Variants in PRRX1 observed in about 807,000 individuals in gnomAD.
PRRX1 encodes paired mesoderm homeobox protein 1.
A neutral mutation model predicts 24.0 loss-of-function variants in PRRX1; 8 were observed. That is an observed-to-expected ratio of 0.33 (90% CI 0.20 to 0.60). PRRX1 has a LOEUF of 0.60. Ranked by LOEUF, PRRX1 falls within the 20% of genes least tolerant of loss-of-function variation. PRRX1 has a pLI of 0.82. For synonymous variants in PRRX1, 160 were observed against 131.7 expected, an observed-to-expected ratio of 1.22 and a Z score of -1.47; for missense variants, 281 against 322.4, an observed-to-expected ratio of 0.87 and a Z score of 0.98.
At chr1:170,701,209 A>G (rs1654348573) in intron 1 of PRRX1, among the ~76,000 whole-genome samples, 1 of 152,178 alleles carries the variant, frequency 6.6e-6, no homozygotes, top group South Asian at 2.1e-4. Context: ...TTTGCATCAC[A>G]GCTTTACAAT....
intron 2 of PRRX1, among the ~76,000 whole-genome samples, chr1:170,720,992 C>G (rs1655063233): frequency 6.6e-6 from 1 of 152,156 alleles, no homozygotes; most frequent in Non-Finnish European, 1.5e-5. Context: ...TAGTGTTCTT[C>G]ATTTTGCAGA....
chr1:170,669,462 G>T, intron 1 of PRRX1: 1 of 36,694 alleles, frequency 2.7e-5, no homozygotes, highest in African/African-American at 1.5e-4. Flanking sequence ...AAATTCAGAA[G>T]CAGTGATGCG....
intron 2 of PRRX1, among the ~76,000 whole-genome samples, chr1:170,720,734 T>G (rs1655055582): frequency 6.6e-6 from 1 of 152,200 alleles, no homozygotes; most frequent in South Asian, 2.1e-4. Flanking sequence ...GATGATTTTA[T>G]TTTCCTTCAG....
chr1:170,696,667 C>A (rs558624619), intron 1 of PRRX1, among the ~76,000 whole-genome samples: 1 of 152,262 alleles, frequency 6.6e-6, no homozygotes, highest in South Asian at 2.1e-4. Flanking sequence ...TGGGGGCTTA[C>A]ACTAAGAGTC....
At chr1:170,668,921 C>A (rs1653043262) in intron 1 of PRRX1, 1 of 152,030 alleles carries the variant, frequency 6.6e-6, no homozygotes, top group Non-Finnish European at 1.5e-5. Flanking sequence ...AGGTGAAATA[C>A]AGGATTAAGT....
intron 2 of PRRX1, 94 bp downstream of exon 2, chr1:170,719,995 C>G: frequency 6.7e-7 from 1 of 1,494,480 alleles, no homozygotes; most frequent in African/African-American, 1.4e-5. Context: ...TAGCCCAGCA[C>G]AGTGGCTCAT....
intron 1 of PRRX1, among the ~76,000 whole-genome samples, chr1:170,696,837 AATT>A (rs1166991514): frequency 6.6e-6 from 1 of 152,186 alleles, no homozygotes; most frequent in African/African-American, 2.4e-5. Context: ...TGAAAGCTTT[AATT>A]TAGCTCGGCT....
intron 1 of PRRX1, among the ~76,000 whole-genome samples, chr1:170,695,286 C>T (rs554015848): frequency 3.3e-4 from 50 of 152,208 alleles, no homozygotes; most frequent in African/African-American, 1.1e-3. Context: ...GAAACTGAGC[C>T]CCTACATAAT....
At chr1:170,679,613 A>C (rs923333105) in intron 1 of PRRX1, among the ~76,000 whole-genome samples, 1 of 152,060 alleles carries the variant, frequency 6.6e-6, no homozygotes, top group East Asian at 1.9e-4. Context: ...GTTAGCCAGG[A>C]TGGTCTCGAT....
intron 1 of PRRX1, among the ~76,000 whole-genome samples, chr1:170,702,564 G>A (rs1010080581): frequency 1.3e-5 from 2 of 152,138 alleles, no homozygotes; most frequent in African/African-American, 4.8e-5. Context: ...AGTAAAAAGA[G>A]AACTATTCAA....
At chr1:170,733,509 T>C (rs1655506027) in intron 3 of PRRX1, among the ~76,000 whole-genome samples, 1 of 152,158 alleles carries the variant, frequency 6.6e-6, no homozygotes, top group Non-Finnish European at 1.5e-5. Context: ...AGAAAATTTT[T>C]CTTTATACTC....
Position 170,738,885 on chromosome 1 carries a change from T to C in PRRX1, c.*2699T>C, listed in dbSNP as rs1188428810. Reference sequence around the variant, plus strand: ...AGCAATGTCTGGGAATATCATAGAGTAACAAGTGCTGGTCAGCCAAAGAAA... The same window carrying C: ...AGCAATGTCTGGGAATATCATAGAGCAACAAGTGCTGGTCAGCCAAAGAAA... On this transcript the variant is annotated 3_prime_UTR_variant, in exon 4 of 4. Transcript: ENST00000239461. The C allele has an allele frequency of 4.4e-6, 1 of 229,442 alleles. No individual in the cohort carries two copies. Among genetic ancestry groups the C allele is most frequent in the Non-Finnish European group, 8.6e-6 (1 of 115,770 alleles). 14.2% of individuals were successfully genotyped at this position (229,442 alleles called of 1,614,324 possible).
chr1:170,712,382 T>A (rs771572374), intron 1 of PRRX1, among the ~76,000 whole-genome samples: 62 of 152,214 alleles, frequency 4.1e-4, no homozygotes, highest in Non-Finnish European at 6.9e-4. Flanking sequence ...TTTATTCATT[T>A]TTCCAGTTTC....
At position 170,737,160 on chromosome 1, in the gene PRRX1, T is replaced by C. The variant is rs942115791; in HGVS notation, c.*974T>C. ...TACTGTATATATTTATATATTTATA[T>C]ATATATTTCATATATATATATAATA... is the stretch of plus-strand genomic sequence containing the variant. On this transcript the variant is annotated 3_prime_UTR_variant, in exon 4 of 4. Transcript: ENST00000239461. 6.2e-6 allele frequency: 1 copy of C among 161,786 alleles called. No homozygotes were observed. Among genetic ancestry groups the C allele is most frequent in the African/African-American group, 2.4e-5 (1 of 41,266 alleles). The allele number at this position is 161,786 out of a possible 1,614,324, so 10.0% of individuals were successfully genotyped here.
At chr1:170,669,425 C>CAAAAAAAGAAAAAAAGAAAAA (rs1653064296) in intron 1 of PRRX1, 1 of 22,298 alleles carries the variant, frequency 4.5e-5, no homozygotes, top group Non-Finnish European at 6.9e-5. Flanking sequence ...CTCCCCACTG[C>CAAAAAAAGAAAAAAAGAAAAA]AAAAAAAAAA....
chr1:170,691,744 T>C (rs1041068577), intron 1 of PRRX1, among the ~76,000 whole-genome samples: 3 of 151,930 alleles, frequency 2.0e-5, no homozygotes, highest in African/African-American at 7.3e-5. Flanking sequence ...TACTCTTATG[T>C]GTTGTGACAA....
intron 3 of PRRX1, among the ~76,000 whole-genome samples, chr1:170,731,389 G>A (rs1269494893): frequency 6.6e-6 from 1 of 152,074 alleles, no homozygotes; most frequent in Admixed American, 6.6e-5. Context: ...TTGTCTTTAG[G>A]GTGAAATTGT....
intron 1 of PRRX1, among the ~76,000 whole-genome samples, chr1:170,681,127 A>G (rs1431661471): frequency 2.0e-5 from 3 of 152,214 alleles, no homozygotes; most frequent in Admixed American, 1.3e-4. Context: ...ACCATAATGG[A>G]TCAGGTACTG....
chr1:170,684,404 G>A (rs1237464089), intron 1 of PRRX1, among the ~76,000 whole-genome samples: 4 of 152,184 alleles, frequency 2.6e-5, no homozygotes, highest in African/African-American at 9.7e-5. Context: ...ATAAGAAACA[G>A]CTAGTTGGAA....
Sources: gnomAD v4.1 joint callset for allele counts (sites outside exome capture counted in the v4.1 genomes callset) on GRCh38, gnomAD v4.1.1 for gene constraint, MANE v1.5 for transcripts, NCBI Gene and HGNC (gene_info 2026-07-23, HGNC 2026-07-21) for gene names.